SHISA9: variants seen among roughly 807,000 people sequenced by gnomAD.
SHISA9 encodes protein shisa-9.
In SHISA9, 13 loss-of-function variants were observed where a neutral mutation model predicts 38.0. The ratio of observed to expected loss-of-function variants is 0.34; its 90% CI spans 0.22 to 0.54. SHISA9 has a LOEUF of 0.54. SHISA9 is among the 20% of genes least tolerant of loss of function. The pLI is 0.91. For synonymous variants in SHISA9, 275 were observed against 242.0 expected, an observed-to-expected ratio of 1.14 and a Z score of -1.27; for missense variants, 538 against 575.8, an observed-to-expected ratio of 0.93 and a Z score of 0.67.
the SHISA9 span, among the ~76,000 whole-genome samples, chr16:13,368,481 T>C: frequency 6.6e-5 from 10 of 152,062 alleles, no homozygotes; most frequent in Non-Finnish European, 1.0e-4. Context: ...TTAGATTATG[T>C]AGGTTTTAGA....
chr16:13,509,600 T>G, the SHISA9 span, among the ~76,000 whole-genome samples: 1 of 152,234 alleles, frequency 6.6e-6, no homozygotes, highest in African/African-American at 2.4e-5. Flanking sequence ...TTTCCGAATT[T>G]GAATTTGCCC....
intron 2 of SHISA9, among the ~76,000 whole-genome samples, chr16:13,056,706 G>A (rs1020133578): frequency 2.0e-5 from 3 of 152,140 alleles, no homozygotes; most frequent in South Asian, 2.1e-4. Flanking sequence ...CTTGCCTTCC[G>A]CTTCACAGTG....
chr16:12,910,436 C>T, intron 1 of SHISA9: 6 of 984,196 alleles, frequency 6.1e-6, no homozygotes, highest in Non-Finnish European at 4.8e-6. Context: ...GAGCAAACAG[C>T]CAAATATCAG....
chr16:13,353,460 T>C, the SHISA9 span, among the ~76,000 whole-genome samples: 1 of 152,070 alleles, frequency 6.6e-6, no homozygotes, highest in Non-Finnish European at 1.5e-5. Context: ...CCAGGAGATA[T>C]CAGCTGTGAT....
rs1177790785 is a variant in SHISA9 at position 12,902,867 on chromosome 16, T to TGTGTGTGTGTGTGTGTGTGA, written c.563+241_563+242insTGTGTGTGTGTGTGTGTGAG. 2.8e-5 allele frequency: 14 copies of TGTGTGTGTGTGTGTGTGTGA among 503,172 alleles called. 1 individual carries two copies. The East Asian group carries it at 4.5e-4, about 16-fold the overall frequency. 31.2% of individuals were successfully genotyped at this position (503,172 alleles called of 1,614,324 possible). On this transcript the variant is annotated intron_variant, in intron 1 of 4. Transcript: ENST00000558583. Reference sequence around the variant, plus strand: ...GTGTGAGCGTGTGTGTGTGTGTGTGTGACTCTGCTCCCTCACCCTCTGGCC... The same window carrying TGTGTGTGTGTGTGTGTGTGA: ...GTGTGAGCGTGTGTGTGTGTGTGTGTGTGTGTGTGTGTGTGTGTGAGACTCTGCTCCCTCACCCTCTGGCC...
intron 2 of SHISA9, among the ~76,000 whole-genome samples, chr16:13,032,941 A>G (rs2073009536): frequency 6.6e-6 from 1 of 152,160 alleles, no homozygotes; most frequent in African/African-American, 2.4e-5. Flanking sequence ...AGATCAAGGA[A>G]CTCAAACCAT....
At chr16:13,109,138 T>C (rs1487910112) in intron 2 of SHISA9, among the ~76,000 whole-genome samples, 2 of 152,184 alleles carry the variant, frequency 1.3e-5, no homozygotes, top group African/African-American at 4.8e-5. Flanking sequence ...GTGATCCTCC[T>C]ACCTCATCCT....
chr16:13,154,368 CA>C (rs1345009263), intron 2 of SHISA9, among the ~76,000 whole-genome samples: 5 of 152,168 alleles, frequency 3.3e-5, no homozygotes, highest in Non-Finnish European at 7.3e-5. Context: ...AGGGTAGAAG[CA>C]TGTGACTTGC....
At chr16:13,356,716 G>C in the SHISA9 span, among the ~76,000 whole-genome samples, 1 of 152,132 alleles carries the variant, frequency 6.6e-6, no homozygotes, top group African/African-American at 2.4e-5. Flanking sequence ...GGACAGGTGG[G>C]AGGGTAAGAA....
the SHISA9 span, among the ~76,000 whole-genome samples, chr16:13,368,022 C>T: frequency 1.3e-5 from 2 of 152,100 alleles, no homozygotes; most frequent in South Asian, 2.1e-4. Flanking sequence ...CGTCATCTAG[C>T]ATTAGGTATA....
intron 2 of SHISA9, among the ~76,000 whole-genome samples, chr16:13,108,816 A>G (rs1359462487): frequency 1.3e-5 from 2 of 152,308 alleles, no homozygotes; most frequent in Non-Finnish European, 2.9e-5. Context: ...TGGTAACACA[A>G]GAGAGTGTTG....
the SHISA9 span, among the ~76,000 whole-genome samples, chr16:13,259,493 G>A: frequency 3.3e-5 from 5 of 152,236 alleles, no homozygotes; most frequent in Admixed American, 6.5e-5. Flanking sequence ...CTGTGTGGGG[G>A]CTCCAACCTC....
chr16:13,501,867 T>C, the SHISA9 span, among the ~76,000 whole-genome samples: 3 of 152,110 alleles, frequency 2.0e-5, no homozygotes, highest in African/African-American at 7.2e-5. Flanking sequence ...CTGGGCATGG[T>C]GGCACATGCT....
At chr16:13,380,682 A>C in the SHISA9 span, among the ~76,000 whole-genome samples, 1 of 152,124 alleles carries the variant, frequency 6.6e-6, no homozygotes, top group South Asian at 2.1e-4. Flanking sequence ...TTTTATTATT[A>C]TTATTATACT....
intron 3 of SHISA9, among the ~76,000 whole-genome samples, chr16:13,212,113 GGC>G (rs2051126301): frequency 6.6e-6 from 1 of 152,174 alleles, no homozygotes; most frequent in Non-Finnish European, 1.5e-5. Context: ...GTTTAAATGG[GGC>G]CGGATCTGTG....
the SHISA9 span, among the ~76,000 whole-genome samples, chr16:13,494,388 C>T: frequency 2.0e-5 from 3 of 152,162 alleles, no homozygotes; most frequent in African/African-American, 7.2e-5. Context: ...AAACTCCACC[C>T]AATGTGTTGA....
At chr16:13,242,587 C>G (rs8048671), downstream of SHISA9, among the ~76,000 whole-genome samples, 38,558 of 152,156 alleles carry the variant, frequency 0.25, 5,112 homozygotes, top group East Asian at 0.39. Flanking sequence ...GAAGAGAAGA[C>G]TGACTCCAGG....
chr16:13,091,204 C>T (rs960556577), intron 2 of SHISA9, among the ~76,000 whole-genome samples: 3 of 152,136 alleles, frequency 2.0e-5, no homozygotes, highest in Admixed American at 6.6e-5. Flanking sequence ...GTGGGTAACT[C>T]GACCTTTCTC....
chr16:13,046,681 C>A (rs974771695), intron 2 of SHISA9, among the ~76,000 whole-genome samples: 4 of 152,200 alleles, frequency 2.6e-5, no homozygotes, highest in African/African-American at 7.2e-5. Flanking sequence ...TAACCATAGT[C>A]CCCTGTATGA....
Sources: gnomAD v4.1 joint callset for allele counts (sites outside exome capture counted in the v4.1 genomes callset) on GRCh38, gnomAD v4.1.1 for gene constraint, MANE v1.5 for transcripts, NCBI Gene and HGNC (gene_info 2026-07-23, HGNC 2026-07-21) for gene names.